The following ATXN2 variants were observed in gnomAD, a reference collection of about 807,000 sequenced individuals.
ATXN2 encodes ataxin 2, also known as ataxin-2.
A neutral mutation model predicts 138.6 loss-of-function variants in ATXN2; 37 were observed. The ratio of observed to expected loss-of-function variants is 0.27; its 90% confidence interval spans 0.21 to 0.35. ATXN2 has a LOEUF of 0.35. Among genes scored for constraint, ATXN2 ranks in the 10% least tolerant of loss-of-function variants. ATXN2 has a pLI of 1.00. For synonymous variants in ATXN2, 549 were observed against 543.7 expected, an observed-to-expected ratio of 1.01 and a Z score of -0.13; for missense variants, 1,216 against 1,480.3, an observed-to-expected ratio of 0.82 and a Z score of 2.93.
chr12:111,572,977 A>G (rs1400520618), intron 1 of ATXN2, among the ~76,000 whole-genome samples: 1 of 152,118 alleles, frequency 6.6e-6, no homozygotes, highest in Non-Finnish European at 1.5e-5. Flanking sequence ...ACAACAGACT[A>G]TCTGCCAAAA....
rs1281531517 is a variant in ATXN2, at chr12:111,516,858, T to G, written c.1166-495A>C. Among the ~76,000 whole-genome samples the G allele has an allele frequency of 6.6e-6, 1 of 152,204 alleles. No individual in the cohort carries two copies. Among genetic ancestry groups the G allele is most frequent in the Non-Finnish European group, 1.5e-5 (1 of 68,016 alleles). On this transcript the variant is annotated intron_variant, in intron 9 of 24. Coordinates refer to ENST00000673436, the MANE Select transcript of ATXN2 (RefSeq NM_001372574.1). The surrounding 1 kb of genome is among the most constrained non-coding windows in gnomAD (Gnocchi z 5.0). The stretch of plus-strand genomic sequence containing the variant: ...TGGTTCCTTACAATTATCTATGATT[T>G]TCATCAGGTTTACACTTGAACCCAG...
chr12:111,583,787 A>AC (rs1456482461), intron 1 of ATXN2, among the ~76,000 whole-genome samples: 1 of 151,360 alleles, frequency 6.6e-6, no homozygotes, highest in East Asian at 1.9e-4. Flanking sequence ...AAAAAAAAAA[A>AC]AAACAGTGAA....
intron 1 of ATXN2, among the ~76,000 whole-genome samples, chr12:111,570,656 C>A (rs1433539025): frequency 6.6e-6 from 1 of 152,146 alleles, no homozygotes; most frequent in African/African-American, 2.4e-5. Context: ...TGCTTATCTT[C>A]CTTGAAGATC....
At chr12:111,514,966 GATC>G (rs1185569178) in intron 10 of ATXN2, among the ~76,000 whole-genome samples, 2 of 152,164 alleles carry the variant, frequency 1.3e-5, no homozygotes, top group East Asian at 1.9e-4. Context: ...AGTCATTAAT[GATC>G]ATGTTTTATT....
At chr12:111,559,784 A>C (rs1273189932) in intron 1 of ATXN2, among the ~76,000 whole-genome samples, 1 of 151,774 alleles carries the variant, frequency 6.6e-6, no homozygotes, top group Non-Finnish European at 1.5e-5. Flanking sequence ...AAACAAAAAA[A>C]AAAAAACTAC....
intron 14 of ATXN2, among the ~76,000 whole-genome samples, chr12:111,491,942 T>G (rs1878062225): frequency 6.6e-6 from 1 of 152,082 alleles, no homozygotes; most frequent in African/African-American, 2.4e-5. Flanking sequence ...GGGCAGCATT[T>G]CTAGACACAC....
chr12:111,581,517 C>G lies in ATXN2; in HGVS notation c.251+17267G>C, dbSNP rs538192908. On this transcript the variant is annotated intron_variant, in intron 1 of 24. Coordinates refer to ENST00000673436, the MANE Select transcript of ATXN2 (RefSeq NM_001372574.1). ...GCTCCCCCAATGTCCACCGTGATCC[C>G]CATCCACAGCGAGAACTCCGTGCCC... The G allele has an allele frequency of 2.9e-6, 3 of 1,027,738 alleles. No homozygotes were observed. The East Asian group carries it at 7.2e-5, about 25-fold the overall frequency. 63.7% of individuals were successfully genotyped at this position (1,027,738 alleles called of 1,614,324 possible).
rs142084617 is a variant in ATXN2 at position 111,588,465 on chromosome 12, T to C, written c.251+10319A>G. Among the ~76,000 whole-genome samples, 14 of 150,424 alleles carry C rather than the reference T, an allele frequency of 9.3e-5. No individual in the cohort carries two copies. In the East Asian group the frequency reaches 2.6e-3, roughly 28 times the overall value. ...TGGTGAAACCCCATCTCTACTAAAA[T>C]ACAAAAATTAGCCAGGCGAGATGGT... is the stretch of plus-strand genomic sequence containing the variant. On this transcript the variant is annotated intron_variant, in intron 1 of 24. Coordinates refer to ENST00000673436, the MANE Select transcript of ATXN2 (RefSeq NM_001372574.1).
chr12:111,460,228 C>T (rs923293458), intron 21 of ATXN2, among the ~76,000 whole-genome samples: 2 of 151,684 alleles, frequency 1.3e-5, no homozygotes, highest in African/African-American at 2.4e-5. Context: ...ACTACAGGCG[C>T]GCCTGGCTAA....
intron 1 of ATXN2, among the ~76,000 whole-genome samples, chr12:111,567,346 A>G (rs1308234882): frequency 6.6e-6 from 1 of 152,040 alleles, no homozygotes; most frequent in African/African-American, 2.4e-5. Context: ...CTAAAAATAC[A>G]AAAATTAGCC....
intron 1 of ATXN2, among the ~76,000 whole-genome samples, chr12:111,595,677 G>A (rs964592699): frequency 1.3e-5 from 2 of 149,740 alleles, no homozygotes; most frequent in South Asian, 2.1e-4. Context: ...ACAATACAAC[G>A]TTCAGGGGAA....
intron 14 of ATXN2, among the ~76,000 whole-genome samples, chr12:111,489,336 C>T (rs570576208): frequency 2.0e-5 from 3 of 152,150 alleles, no homozygotes; most frequent in South Asian, 2.1e-4. Flanking sequence ...CAATGGGGGC[C>T]GGGCACGGTG....
At chr12:111,543,959 C>T (rs1881671343) in intron 5 of ATXN2, among the ~76,000 whole-genome samples, 1 of 151,942 alleles carries the variant, frequency 6.6e-6, no homozygotes, top group Non-Finnish European at 1.5e-5. Context: ...GCACCTGTAG[C>T]CCCAGCTACT....
At position 111,577,259 on chromosome 12, in the gene ATXN2, ATTT is replaced by A. The variant is rs533858394; in HGVS notation, c.252-21343_252-21341del. Among the ~76,000 whole-genome samples, 705 of 127,804 alleles carry A rather than the reference ATTT, an allele frequency of 5.5e-3. 7 individuals are homozygous for A. The highest frequency in any genetic ancestry group is 0.034 in the African/African-American group (647 of 19,010). The allele number at this position is 127,804 out of a possible 152,430, so 83.8% of individuals were successfully genotyped here. On this transcript the variant is annotated intron_variant, in intron 1 of 24. Transcript: ENST00000673436. ...AACACATGCACCGCATGTTTCAATT[ATTT>A]ATTTATTTATTTATTTATTTTGAGA...
intron 18 of ATXN2, among the ~76,000 whole-genome samples, chr12:111,483,447 G>T (rs904913785): frequency 3.8e-5 from 5 of 132,834 alleles, no homozygotes; most frequent in Admixed American, 2.3e-4. Flanking sequence ...AACATTAAAA[G>T]AACTCTTTTT....
intron 14 of ATXN2, among the ~76,000 whole-genome samples, chr12:111,494,912 A>G (rs933135449): frequency 3.9e-5 from 6 of 152,192 alleles, no homozygotes; most frequent in African/African-American, 1.4e-4. Context: ...CCAGATAATA[A>G]GTAACAAAAT....
At chr12:111,459,981 T>G (rs1418160010) in intron 21 of ATXN2, among the ~76,000 whole-genome samples, 2 of 152,016 alleles carry the variant, frequency 1.3e-5, no homozygotes, top group Non-Finnish European at 2.9e-5. Flanking sequence ...CCTCCCAAAG[T>G]GTTGGGATTA....
chr12:111,513,673 A>T, intron 10 of ATXN2, 134 bp from the exon 11 acceptor site: 1 of 450,912 alleles, frequency 2.2e-6, no homozygotes, highest in Non-Finnish European at 3.3e-6. Flanking sequence ...TTAAAAATAG[A>T]AAAAAAAAAA....
At chr12:111,531,423 C>T (rs1023979440) in intron 5 of ATXN2, among the ~76,000 whole-genome samples, 3 of 152,016 alleles carry the variant, frequency 2.0e-5, no homozygotes, top group African/African-American at 7.3e-5. Context: ...AGCGAGACTC[C>T]GTCTCAAAAA....
Sources: allele counts gnomAD v4.1 joint callset (sites outside exome capture counted in the v4.1 genomes callset), GRCh38; gene constraint gnomAD v4.1.1; non-coding constraint Gnocchi (gnomAD v3.1); transcripts MANE v1.5; gene names NCBI Gene and HGNC (gene_info 2026-07-23, HGNC 2026-07-21).